Variants in INSL6 observed in about 807,000 individuals in gnomAD.
INSL6 encodes insulin like 6, also known as insulin-like peptide INSL6.
INSL6 carries 16 observed loss-of-function variants against 9.4 expected under a neutral mutation model. The ratio of observed to expected loss-of-function variants is 1.70; its 90% confidence interval spans 1.15 to 2.59. The LOEUF is 2.59. Among genes scored for constraint, INSL6 ranks in the 30% most tolerant of loss-of-function variants. The pLI, the probability that INSL6 is intolerant of heterozygous loss-of-function variation, is 0.00. For synonymous variants in INSL6, 154 were observed against 96.9 expected (o/e 1.59, Z -3.46); for missense variants, 391 against 257.3 (o/e 1.52, Z -3.56).
chr9:5,141,936 C>T (rs1447203532), intron 2 of INSL6, among the ~76,000 whole-genome samples: 1 of 152,126 alleles, frequency 6.6e-6, no homozygotes, highest in Non-Finnish European at 1.5e-5. Flanking sequence ...CTGCATATGG[C>T]TAGCAAGTTA....
the INSL6 span, among the ~76,000 whole-genome samples, chr9:5,036,487 C>T: frequency 4.6e-5 from 7 of 152,176 alleles, no homozygotes; most frequent in Non-Finnish European, 8.8e-5. Flanking sequence ...TACTACAAGG[C>T]TACAGTAACC....
At chr9:5,085,767 G>C in the INSL6 span, 1 of 754,156 alleles carries the variant, frequency 1.3e-6, no homozygotes, top group East Asian at 2.5e-5. Context: ...CACATGTCGG[G>C]AGTTATTATG....
the INSL6 span, chr9:5,069,355 T>A: frequency 1.9e-6 from 1 of 535,358 alleles, no homozygotes; most frequent in Non-Finnish European, 3.2e-6. Context: ...ACAAGCATCA[T>A]CAAATAAGAT....
At chr9:5,085,020 T>C in the INSL6 span, 1 of 843,636 alleles carries the variant, frequency 1.2e-6, no homozygotes, top group Admixed American at 1.8e-5. Context: ...GAGTACAATT[T>C]CTGAAAGTTG....
chr9:5,131,635 T>G (rs1824289735), intron 3 of INSL6, among the ~76,000 whole-genome samples: 5 of 152,026 alleles, frequency 3.3e-5, no homozygotes, highest in Admixed American at 3.3e-4. Context: ...AGACAGGGTT[T>G]CACCGTGTTG....
the INSL6 span, among the ~76,000 whole-genome samples, chr9:5,065,838 C>T: frequency 2.6e-5 from 4 of 152,110 alleles, no homozygotes; most frequent in Admixed American, 6.5e-5. Flanking sequence ...TTGCATTTAA[C>T]CTACCCCTAA....
chr9:5,093,720 C>T, the INSL6 span, among the ~76,000 whole-genome samples: 4 of 152,124 alleles, frequency 2.6e-5, no homozygotes, highest in Non-Finnish European at 5.9e-5. Context: ...ATCAACAGAA[C>T]AAGTTACCCT....
the INSL6 span, among the ~76,000 whole-genome samples, chr9:5,001,920 G>A: frequency 1.3e-5 from 2 of 151,810 alleles, no homozygotes; most frequent in African/African-American, 4.8e-5. Context: ...GTCTTTCAAG[G>A]AATTTGTTCA....
the INSL6 span, among the ~76,000 whole-genome samples, chr9:5,015,053 T>G: frequency 6.6e-6 from 1 of 152,228 alleles, no homozygotes; most frequent in Non-Finnish European, 1.5e-5. Context: ...TTTCTATAAT[T>G]TACTGCTTTT....
chr9:5,110,063 A>G, the INSL6 span: 5 of 152,308 alleles, frequency 3.3e-5, no homozygotes, highest in African/African-American at 1.2e-4. Context: ...AGATTCAACA[A>G]GCATTCATTC....
chr9:5,145,936 T>A (rs1824594323), intron 2 of INSL6, among the ~76,000 whole-genome samples: 1 of 152,194 alleles, frequency 6.6e-6, no homozygotes, highest in African/African-American at 2.4e-5. Context: ...TTCTGAATTC[T>A]ACTTCTGTCA....
the INSL6 span, among the ~76,000 whole-genome samples, chr9:5,042,397 A>G: frequency 6.6e-6 from 1 of 151,920 alleles, no homozygotes; most frequent in South Asian, 2.1e-4. Flanking sequence ...TCGGCCTCCC[A>G]AAGTGCTGGG....
the INSL6 span, chr9:5,073,731 C>A: frequency 6.2e-7 from 1 of 1,612,286 alleles, no homozygotes; most frequent in Non-Finnish European, 8.5e-7. Context: ...GATGAGCAAG[C>A]TTTCTCACAA....
the INSL6 span, chr9:5,091,012 T>A: frequency 2.2e-6 from 2 of 898,080 alleles, no homozygotes; most frequent in Non-Finnish European, 3.4e-6. Context: ...ACAGTAACAG[T>A]GAACATTTAA....
chr9:5,050,879 T>C, the INSL6 span: 436 of 1,481,324 alleles, frequency 2.9e-4, 1 homozygote, highest in South Asian at 6.3e-4. Context: ...GTAGAGATTT[T>C]ATATAATTCG....
chr9:5,041,647 A>G, the INSL6 span: 7 of 506,866 alleles, frequency 1.4e-5, no homozygotes, highest in African/African-American at 7.9e-5. Context: ...AAGCTCGACT[A>G]CGACTACCTG....
the INSL6 span, among the ~76,000 whole-genome samples, chr9:5,117,385 C>G: frequency 1.3e-5 from 2 of 152,200 alleles, no homozygotes; most frequent in Non-Finnish European, 2.9e-5. Flanking sequence ...AGAAAGATAG[C>G]TCTACTTTTG....
chr9:5,100,924 C>G, the INSL6 span: 1 of 152,254 alleles, frequency 6.6e-6, no homozygotes, highest in African/African-American at 2.4e-5. Flanking sequence ...TACAAGATGT[C>G]TGAATAGGAA....
the INSL6 span, among the ~76,000 whole-genome samples, chr9:5,009,655 C>G: frequency 6.6e-6 from 1 of 152,116 alleles, no homozygotes; most frequent in Non-Finnish European, 1.5e-5. Context: ...TGCCCCATCC[C>G]CATCCTAACT....
Sources: allele counts gnomAD v4.1 joint callset (sites outside exome capture counted in the v4.1 genomes callset), GRCh38; gene constraint gnomAD v4.1.1; transcripts MANE v1.5; gene names NCBI Gene and HGNC (gene_info 2026-07-23, HGNC 2026-07-21).